The following ATAD2 variants were observed in gnomAD, a reference collection of about 807,000 sequenced individuals.
ATAD2 encodes the protein ATPase family AAA domain containing 2, also known as ATPase family AAA domain-containing protein 2.
Under a neutral mutation model 168.9 loss-of-function variants are expected in ATAD2, and 62 were observed. The ratio of observed to expected loss-of-function variants is 0.37; its 90% CI spans 0.30 to 0.45. The LOEUF (loss-of-function observed/expected upper bound fraction) is 0.45, where lower values mean the gene tolerates loss of function less well. Ranked by LOEUF, ATAD2 falls within the 20% of genes least tolerant of loss-of-function variation. The pLI, the probability that ATAD2 is intolerant of heterozygous loss-of-function variation, is 1.00. For synonymous variants in ATAD2, 613 were observed against 571.6 expected (o/e 1.07, Z -1.03); for missense variants, 1,419 against 1,667.8 (o/e 0.85, Z 2.60).
intron 2 of ATAD2, among the ~76,000 whole-genome samples, chr8:123,372,892 CT>C (rs766308467): frequency 0.012 from 1,647 of 137,924 alleles, 19 homozygotes; most frequent in African/African-American, 0.036. Flanking sequence ...ATCCAGCTAA[CT>C]TTTTTTTTTT....
rs533456232 is a variant in ATAD2 at position 123,396,408 on chromosome 8, C to G, written c.-51G>C. 90 of 1,471,632 alleles carry G rather than the reference C, an allele frequency of 6.1e-5. 1 individual carries two copies. In the South Asian group the frequency reaches 8.4e-4, roughly 14 times the overall value. 91.2% of individuals were successfully genotyped at this position (1,471,632 alleles called of 1,614,324 possible). On this transcript the variant is annotated 5_prime_UTR_variant, in exon 1 of 28. Transcript: ENST00000287394. The stretch of plus-strand genomic sequence containing the variant: ...GCGCGACCGGAGAGAGATCCAGCTC[C>G]AGGCGCTCGCAGCTCTGGCTCTTCC...
chr8:123,322,411 G>A (rs928677590), intron 27 of ATAD2, among the ~76,000 whole-genome samples: 3 of 152,208 alleles, frequency 2.0e-5, no homozygotes, highest in Admixed American at 6.5e-5. Context: ...GCTCACGTTT[G>A]TAATTCCAGT....
At chr8:123,330,017 T>C (rs1331061866) in intron 24 of ATAD2, among the ~76,000 whole-genome samples, 1 of 146,736 alleles carries the variant, frequency 6.8e-6, no homozygotes, top group Non-Finnish European at 1.5e-5. Context: ...AGACAGGGTC[T>C]TGCTCTGTCA....
Position 123,362,756 on chromosome 8 carries a change from T to C in ATAD2, c.1050-1110A>G, listed in dbSNP as rs563868402. ...TTTAAAAGAAGGACATGAGATTTTA[T>C]GTAAACAAAAGGGCATCAAGAAAGA... On this transcript the variant is annotated intron_variant, in intron 8 of 27. Transcript: ENST00000287394. Among the ~76,000 whole-genome samples, 6 of 152,254 alleles carry C rather than the reference T, an allele frequency of 3.9e-5. 1 individual carries two copies. The highest frequency in any genetic ancestry group is 1.4e-4 in the African/African-American group (6 of 41,558).
At chr8:123,357,444 T>C (rs955962051) in intron 12 of ATAD2, 118 bp downstream of exon 12, 13 of 978,646 alleles carry the variant, frequency 1.3e-5, no homozygotes, top group South Asian at 2.4e-5. Flanking sequence ...TAGAAAGAAA[T>C]AGTCTAATTC....
At chr8:123,380,843 T>C in intron 1 of ATAD2, 166 bp from the exon 2 acceptor site, 1 of 633,742 alleles carries the variant, frequency 1.6e-6, no homozygotes, top group Non-Finnish European at 2.7e-6. Context: ...AAAAACCATT[T>C]CATGATAAAC....
intron 8 of ATAD2, among the ~76,000 whole-genome samples, chr8:123,366,786 T>C (rs1003091379): frequency 6.6e-6 from 1 of 151,940 alleles, no homozygotes; most frequent in Non-Finnish European, 1.5e-5. Context: ...GTGTTCAATG[T>C]ATACTGCTTG....
At chr8:123,398,573 G>A (rs1311461335), upstream of ATAD2, among the ~76,000 whole-genome samples, 2 of 152,154 alleles carry the variant, frequency 1.3e-5, no homozygotes, top group African/African-American at 4.8e-5. Flanking sequence ...GTGCAGTGGC[G>A]CAGCCACGGT....
chr8:123,352,695 T>C (rs577317094), intron 13 of ATAD2: 1 of 150,128 alleles, frequency 6.7e-6, no homozygotes, highest in South Asian at 2.1e-4. Context: ...TTTTTTTTTT[T>C]ACAAATAAGA....
chr8:123,330,369 C>A (rs1236552852), intron 24 of ATAD2, among the ~76,000 whole-genome samples: 1 of 148,110 alleles, frequency 6.8e-6, no homozygotes, highest in African/African-American at 2.5e-5. Flanking sequence ...CTCTTGTTAT[C>A]TTGATTTTTT....
chr8:123,400,109 A>G (rs1007773270), upstream of ATAD2, among the ~76,000 whole-genome samples: 1 of 152,074 alleles, frequency 6.6e-6, no homozygotes, highest in South Asian at 2.1e-4. The surrounding 1 kb of genome is among the most constrained non-coding windows in gnomAD (Gnocchi z 4.5). Flanking sequence ...GGTTGCAGTG[A>G]GCCAAGATCA....
chr8:123,380,514 A>T lies in ATAD2; in HGVS notation c.320+15T>A, dbSNP rs772998351. The T allele has an allele frequency of 6.2e-7, 1 of 1,612,038 alleles. No individual in the cohort carries two copies. The highest frequency in any genetic ancestry group is 1.1e-5 in the South Asian group (1 of 90,600). ...TAAAACTATTTTGAATTAGTGTTCA[A>T]CCACCTTGTATTACCTTGTAAAATG... On this transcript the variant is annotated intron_variant, in intron 2 of 27. Transcript: ENST00000287394.
At chr8:123,339,121 G>T (rs1827997656) in intron 20 of ATAD2, among the ~76,000 whole-genome samples, 190 bp downstream of exon 20, 1 of 152,148 alleles carries the variant, frequency 6.6e-6, no homozygotes, top group African/African-American at 2.4e-5. Context: ...GCTATACTAT[G>T]AAAGACTTTG....
intron 1 of ATAD2, among the ~76,000 whole-genome samples, chr8:123,403,066 G>A (rs769210378): frequency 1.2e-4 from 18 of 152,108 alleles, no homozygotes; most frequent in East Asian, 7.7e-4. Flanking sequence ...GCAAGATGGC[G>A]CGCTTCAAGA....
upstream of ATAD2, among the ~76,000 whole-genome samples, chr8:123,399,495 A>C (rs1219352417): frequency 2.0e-5 from 3 of 152,198 alleles, no homozygotes; most frequent in Non-Finnish European, 4.4e-5. Flanking sequence ...GGTATAAAGA[A>C]AATGAAACAG....
At chr8:123,361,748 A>C (rs1828832113) in intron 8 of ATAD2, 102 bp from the exon 9 acceptor site, 1 of 835,554 alleles carries the variant, frequency 1.2e-6, no homozygotes, top group Non-Finnish European at 1.9e-6. Flanking sequence ...AAAGTTTATC[A>C]TAAAATTAAT....
At position 123,339,332 on chromosome 8, in the gene ATAD2, G is replaced by A. The variant is rs752271442; in HGVS notation, c.2833C>T (p.Pro945Ser). 8 of 1,574,734 alleles carry A rather than the reference G, an allele frequency of 5.1e-6. No individual in the cohort carries two copies. The highest frequency in any genetic ancestry group is 1.2e-5 in the South Asian group (1 of 85,204). ...DLILKQAAKP[P>S]ISKKKAVLQA... is the part of the protein sequence containing the mutation. ...TAACCTGCTTTCTTTTTTGATATAG[G>A]AGGCTTAGCAGCTTGTTTTAGAATT... is the stretch of plus-strand genomic sequence containing the variant. The change falls in exon 20 of 28, where the codon CCT becomes TCT. Residue 945 changes from proline to serine, a missense_variant. Coordinates refer to ENST00000287394, the MANE Select transcript of ATAD2 (RefSeq NM_014109.4).
chr8:123,362,572 T>C (rs1454420456), intron 8 of ATAD2, among the ~76,000 whole-genome samples: 1 of 151,550 alleles, frequency 6.6e-6, no homozygotes, highest in Non-Finnish European at 1.5e-5. Flanking sequence ...TGAGCCATTG[T>C]GCCCAGTTAA....
chr8:123,348,015 C>A, intron 15 of ATAD2, 168 bp downstream of exon 15: 1 of 675,430 alleles, frequency 1.5e-6, no homozygotes, highest in Non-Finnish European at 2.6e-6. Context: ...AGATAAGAAA[C>A]AAATATAACC....
Sources: allele counts gnomAD v4.1 joint callset (sites outside exome capture counted in the v4.1 genomes callset), GRCh38; gene constraint gnomAD v4.1.1; non-coding constraint Gnocchi (gnomAD v3.1); transcripts MANE v1.5; gene names NCBI Gene and HGNC (gene_info 2026-07-23, HGNC 2026-07-21).